Variants in IQSEC3 observed in about 807,000 individuals in gnomAD.
IQSEC3 encodes the protein IQ motif and SEC7 domain-containing protein 3.
IQSEC3 carries 50 observed loss-of-function variants against 105.4 expected under a neutral mutation model. That is an observed-to-expected ratio of 0.47 (90% confidence interval 0.38 to 0.60). The LOEUF is 0.60. IQSEC3 is among the 20% of genes least tolerant of loss of function. The probability of loss-of-function intolerance (pLI) is 0.00; values close to 1 mark genes in which losing one functional copy is unlikely to be tolerated. For missense variants in IQSEC3, 1,415 were observed against 1,630.0 expected, an observed-to-expected ratio of 0.87 and a Z score of 2.27; for synonymous variants, 708 against 746.0, an observed-to-expected ratio of 0.95 and a Z score of 0.83.
chr12:168,366 C>A (rs941906701), intron 11 of IQSEC3, among the ~76,000 whole-genome samples: 1 of 152,028 alleles, frequency 6.6e-6, no homozygotes, highest in African/African-American at 2.4e-5. Flanking sequence ...GAACACCTTG[C>A]GGAGGCTCAG....
intron 1 of IQSEC3, among the ~76,000 whole-genome samples, chr12:76,648 C>T (rs1863540661): frequency 2.0e-5 from 3 of 152,282 alleles, no homozygotes; most frequent in Non-Finnish European, 1.5e-5. Context: ...TCCATACCCA[C>T]TCTGTCTGGA....
intron 5 of IQSEC3, among the ~76,000 whole-genome samples, chr12:145,634 G>T (rs1866231523): frequency 6.6e-6 from 1 of 152,204 alleles, no homozygotes; most frequent in African/African-American, 2.4e-5. Flanking sequence ...GCAGCCTGAG[G>T]AAGCCCGGTC....
intron 1 of IQSEC3, among the ~76,000 whole-genome samples, chr12:77,899 T>C (rs1456641156): frequency 6.7e-6 from 1 of 150,216 alleles, no homozygotes; most frequent in Admixed American, 6.6e-5. Flanking sequence ...CTCGGCGGCG[T>C]GGGCGGGCCG....
chr12:88,821 G>A (rs1226435465), intron 1 of IQSEC3, among the ~76,000 whole-genome samples: 1 of 152,206 alleles, frequency 6.6e-6, no homozygotes, highest in Non-Finnish European at 1.5e-5. Context: ...AGGAAGTCAA[G>A]ATGGCATCCT....
intron 8 of IQSEC3, 46 bp downstream of exon 8, chr12:162,111 T>C (rs782723434): frequency 2.1e-5 from 34 of 1,600,884 alleles, no homozygotes; most frequent in Non-Finnish European, 2.8e-5. Flanking sequence ...TTCCTTTCTT[T>C]CTTCCTGGCA....
rs781869274 is a variant in IQSEC3, at chr12:125,690, G to A, written c.681G>A (p.Ala227=). The A allele has an allele frequency of 1.9e-5, 29 of 1,534,714 alleles. No homozygotes were observed. Among genetic ancestry groups the A allele is most frequent in the East Asian group, 4.7e-5 (2 of 42,592 alleles). The change falls in exon 3 of 14, where the codon GCG becomes GCA. Residue 227 remains alanine (A), a synonymous_variant. Transcript: ENST00000538872. ...TGGAGGACTCCGTGGTGGCAGCGGC[G>A]GCGGTGGCAGCCGGCAGACCCAGTG... ...GGMEDSVVAA[A]AVAAGRPSAH... is the part of the protein sequence containing the mutation.
intron 5 of IQSEC3, chr12:144,575 C>T (rs368982369): frequency 4.6e-5 from 7 of 152,170 alleles, no homozygotes; most frequent in South Asian, 2.1e-4. Context: ...CAGGCCTGTG[C>T]GGAAAGGAAG....
intron 2 of IQSEC3, among the ~76,000 whole-genome samples, chr12:103,083 A>G (rs2136924110): frequency 6.6e-6 from 1 of 152,084 alleles, no homozygotes; most frequent in East Asian, 1.9e-4. Flanking sequence ...CGTTGCCCCT[A>G]CCGACCGCCT....
intron 8 of IQSEC3, among the ~76,000 whole-genome samples, chr12:162,454 T>A (rs1866937679): frequency 6.8e-6 from 1 of 147,518 alleles, no homozygotes; most frequent in East Asian, 1.9e-4. Flanking sequence ...GGCTGTGGCA[T>A]CACCATAGAT....
intron 8 of IQSEC3, 57 bp from the exon 9 acceptor site, chr12:163,437 G>A: frequency 6.6e-7 from 1 of 1,522,758 alleles, no homozygotes; most frequent in South Asian, 1.2e-5. Flanking sequence ...TGGGCGCGTG[G>A]GTGGGGAGGC....
chr12:154,103 C>T (rs183417697), intron 5 of IQSEC3, among the ~76,000 whole-genome samples: 129 of 152,312 alleles, frequency 8.5e-4, no homozygotes, highest in Middle Eastern at 6.8e-3. Flanking sequence ...TCGAGGCCCA[C>T]GAGGGGTGTA....
At chr12:110,579 G>T (rs1004621873) in intron 2 of IQSEC3, among the ~76,000 whole-genome samples, 1 of 151,962 alleles carries the variant, frequency 6.6e-6, no homozygotes, top group Admixed American at 6.6e-5. Context: ...TGCTCAGCTG[G>T]CAGGACTCCT....
intron 3 of IQSEC3, among the ~76,000 whole-genome samples, chr12:135,701 C>T (rs143871359): frequency 3.0e-4 from 45 of 152,320 alleles, no homozygotes; most frequent in African/African-American, 6.3e-4. Flanking sequence ...GACACTGTGC[C>T]GTTAGCCTTG....
In IQSEC3 at chr12:91,198, C is replaced by T. The variant is rs557130023; in HGVS notation, c.555-7948C>T. Among the ~76,000 whole-genome samples the T allele has an allele frequency of 2.1e-4, 32 of 152,284 alleles. 1 individual carries two copies. The South Asian group carries it at 6.0e-3, about 29-fold the overall frequency. ...TTCTCCTGCTGGGAGCACCTCCCTC[C>T]CGCTCAAGCCCTCTCCTGCTTCTCC... On this transcript the variant is annotated intron_variant, in intron 1 of 13. Coordinates refer to ENST00000538872, the MANE Select transcript of IQSEC3 (RefSeq NM_001170738.2).
intron 4 of IQSEC3, chr12:139,621 C>A: frequency 2.5e-6 from 1 of 394,360 alleles, no homozygotes; most frequent in Non-Finnish European, 4.5e-6. Context: ...ACTGTTACAG[C>A]TTAAGATGAA....
intron 5 of IQSEC3, among the ~76,000 whole-genome samples, chr12:146,731 A>AAGAGAGAGATAGAT (rs1211455166): frequency 6.6e-6 from 1 of 152,020 alleles, no homozygotes; most frequent in Non-Finnish European, 1.5e-5. Context: ...AGGAGGAAGA[A>AAGAGAGAGATAGAT]AGAGAGAGAT....
At chr12:108,200 T>G (rs782399159) in intron 2 of IQSEC3, among the ~76,000 whole-genome samples, 1 of 152,272 alleles carries the variant, frequency 6.6e-6, no homozygotes, top group African/African-American at 2.4e-5. Context: ...AGGAGGCTTT[T>G]TAAAACTTGT....
At chr12:95,947 G>T (rs1449859867) in intron 1 of IQSEC3, among the ~76,000 whole-genome samples, 5 of 152,168 alleles carry the variant, frequency 3.3e-5, no homozygotes, top group Non-Finnish European at 7.3e-5. Context: ...TTCTGTTGAA[G>T]AAAAGAGTCA....
At chr12:162,764 T>C (rs376803591) in intron 8 of IQSEC3, among the ~76,000 whole-genome samples, 1 of 152,174 alleles carries the variant, frequency 6.6e-6, no homozygotes, top group East Asian at 1.9e-4. Flanking sequence ...TGGTTTGTCT[T>C]ACACGCTGGA....
Sources: gnomAD v4.1 joint callset for allele counts (sites outside exome capture counted in the v4.1 genomes callset) on GRCh38, gnomAD v4.1.1 for gene constraint, MANE v1.5 for transcripts, NCBI Gene and HGNC (gene_info 2026-07-23, HGNC 2026-07-21) for gene names.